Variants in SNX24 observed in about 807,000 individuals in gnomAD.
SNX24 encodes sorting nexin 24.
Under a neutral mutation model 28.7 loss-of-function variants are expected in SNX24, and 22 were observed. The observed-to-expected ratio is 0.77, with a 90% CI of 0.55 to 1.10. SNX24 has a LOEUF of 1.10. Among genes scored for constraint, SNX24 ranks in the 50% least tolerant of loss-of-function variants. The probability of loss-of-function intolerance (pLI) is 0.00; values close to 1 mark genes in which losing one functional copy is unlikely to be tolerated. For missense variants in SNX24, 221 were observed against 201.1 expected, an observed-to-expected ratio of 1.10 and a Z score of -0.60; for synonymous variants, 69 against 71.5, an observed-to-expected ratio of 0.96 and a Z score of 0.18.
chr5:122,891,209 T>C (rs1479202138), intron 1 of SNX24: 1 of 1,310,676 alleles, frequency 7.6e-7, no homozygotes, highest in Non-Finnish European at 9.9e-7. Flanking sequence ...CTGGTTGAAA[T>C]GGTTTAGGAA....
At chr5:122,961,379 G>A (rs1760482298) in intron 3 of SNX24, among the ~76,000 whole-genome samples, 1 of 152,350 alleles carries the variant, frequency 6.6e-6, no homozygotes, top group South Asian at 2.1e-4. Flanking sequence ...GTTGATAAAA[G>A]AGGGATGTAT....
At chr5:122,930,487 C>G (rs1328215131) in intron 1 of SNX24, among the ~76,000 whole-genome samples, 1 of 152,082 alleles carries the variant, frequency 6.6e-6, no homozygotes, top group Admixed American at 6.5e-5. Flanking sequence ...TTTGTTTCTG[C>G]TTTTTGCTTC....
chr5:122,853,368 C>T (rs1265042668), intron 1 of SNX24, among the ~76,000 whole-genome samples: 3 of 152,184 alleles, frequency 2.0e-5, no homozygotes, highest in South Asian at 4.1e-4. Context: ...ACCTTGTGAT[C>T]CACCCGCCTC....
chr5:122,912,477 C>G (rs28878174), intron 1 of SNX24, among the ~76,000 whole-genome samples: 54,221 of 151,470 alleles, frequency 0.36, 10,373 homozygotes, highest in African/African-American at 0.46. Context: ...TCTCCTGCCT[C>G]ATTGCCCTGG....
rs78269140 is a variant in SNX24, at chr5:122,921,598, A to G, written c.61-15136A>G. Among the ~76,000 whole-genome samples, 5 of 149,374 alleles carry G rather than the reference A, an allele frequency of 3.3e-5. No individual in the cohort carries two copies. In the East Asian group the frequency reaches 1.0e-3, roughly 30 times the overall value. Reference sequence around the variant, plus strand: ...GTGATGTAGGGGATTTAGTTTTGAAAGTCTAATACATGAAACCTAGATGTA... The same window carrying G: ...GTGATGTAGGGGATTTAGTTTTGAAGGTCTAATACATGAAACCTAGATGTA... On this transcript the variant is annotated intron_variant, in intron 1 of 6. Transcript: ENST00000261369.
At chr5:123,021,372 T>G (rs1762760564) in intron 5 of SNX24, among the ~76,000 whole-genome samples, 12 of 152,138 alleles carry the variant, frequency 7.9e-5, no homozygotes. Context: ...TACCCATCTG[T>G]AGGGTCAGCC....
At chr5:122,918,074 C>T (rs1758259012) in intron 1 of SNX24, among the ~76,000 whole-genome samples, 1 of 151,992 alleles carries the variant, frequency 6.6e-6, no homozygotes, top group African/African-American at 2.4e-5. Flanking sequence ...AGCGAGACTC[C>T]ATCTCAAAAA....
chr5:122,960,334 G>A (rs1760433285), intron 3 of SNX24, among the ~76,000 whole-genome samples: 1 of 152,008 alleles, frequency 6.6e-6, no homozygotes, highest in Non-Finnish European at 1.5e-5. Flanking sequence ...TGTACTAGTT[G>A]GAATACTAGT....
intron 1 of SNX24, among the ~76,000 whole-genome samples, chr5:122,913,509 G>A (rs1403592683): frequency 5.3e-5 from 8 of 152,120 alleles, no homozygotes; most frequent in Non-Finnish European, 1.2e-4. Context: ...CCCAGACGTG[G>A]TGGCTGCCTG....
At chr5:122,896,403 A>G (rs1324512968) in intron 1 of SNX24, among the ~76,000 whole-genome samples, 1 of 152,196 alleles carries the variant, frequency 6.6e-6, no homozygotes, top group Non-Finnish European at 1.5e-5. Flanking sequence ...AGGATTTATC[A>G]TGCACATGTT....
At chr5:122,996,034 A>G (rs781092961) in intron 3 of SNX24, among the ~76,000 whole-genome samples, 5 of 152,228 alleles carry the variant, frequency 3.3e-5, no homozygotes, top group Non-Finnish European at 7.3e-5. Flanking sequence ...TTAGAATAAT[A>G]TATAGAAGAC....
chr5:122,862,376 G>A (rs1286529263), intron 1 of SNX24, among the ~76,000 whole-genome samples: 1 of 152,126 alleles, frequency 6.6e-6, no homozygotes, highest in Non-Finnish European at 1.5e-5. Flanking sequence ...AGCACTTTGG[G>A]AGGCCGAGGC....
chr5:122,997,467 TA>T (rs1561715195), intron 3 of SNX24, among the ~76,000 whole-genome samples: 1 of 152,210 alleles, frequency 6.6e-6, no homozygotes, highest in East Asian at 1.9e-4. Context: ...TGAGCAGGAT[TA>T]ATTCCCGTCC....
At chr5:122,913,038 A>T (rs1205886316) in intron 1 of SNX24, among the ~76,000 whole-genome samples, 2 of 152,216 alleles carry the variant, frequency 1.3e-5, no homozygotes, top group African/African-American at 4.8e-5. Flanking sequence ...GGGTAAGGTC[A>T]TAGATCAACA....
chr5:122,990,993 T>C (rs1412452701), intron 3 of SNX24, among the ~76,000 whole-genome samples: 1 of 152,048 alleles, frequency 6.6e-6, no homozygotes, highest in Non-Finnish European at 1.5e-5. Context: ...GCCTCCTAAG[T>C]TCAAGCAATT....
At chr5:122,972,134 G>A (rs918960964) in intron 3 of SNX24, among the ~76,000 whole-genome samples, 4 of 152,198 alleles carry the variant, frequency 2.6e-5, no homozygotes, top group Admixed American at 2.0e-4. Context: ...TTCTTAGCCT[G>A]TTGACTTAGA....
At chr5:122,874,730 G>C (rs1437886922) in intron 1 of SNX24, among the ~76,000 whole-genome samples, 1 of 152,174 alleles carries the variant, frequency 6.6e-6, no homozygotes, top group Non-Finnish European at 1.5e-5. Flanking sequence ...CAGTGTAGTT[G>C]AAGAGTGAAC....
intron 5 of SNX24, among the ~76,000 whole-genome samples, chr5:123,018,444 C>T (rs751310841): frequency 3.9e-5 from 6 of 152,116 alleles, no homozygotes; most frequent in Non-Finnish European, 8.8e-5. Context: ...TATAACAGGA[C>T]ATAATGTTAC....
At chr5:123,019,586 A>G (rs1015978604) in intron 5 of SNX24, among the ~76,000 whole-genome samples, 3 of 152,280 alleles carry the variant, frequency 2.0e-5, no homozygotes, top group African/African-American at 7.2e-5. Flanking sequence ...TTGATGATCC[A>G]GAAAACTGCT....
Sources: allele counts gnomAD v4.1 joint callset (sites outside exome capture counted in the v4.1 genomes callset), GRCh38; gene constraint gnomAD v4.1.1; transcripts MANE v1.5; gene names NCBI Gene and HGNC (gene_info 2026-07-23, HGNC 2026-07-21).